Variants in SAMD5 observed in about 807,000 individuals in gnomAD.
SAMD5 encodes the protein sterile alpha motif domain-containing protein 5.
Under a neutral mutation model 11.3 loss-of-function variants are expected in SAMD5, and 13 were observed. The ratio of observed to expected loss-of-function variants is 1.15; its 90% CI spans 0.75 to 1.83. The LOEUF is 1.83. Ranked by LOEUF, SAMD5 falls within the 40% of genes most tolerant of loss-of-function variation. SAMD5 has a pLI of 0.00. For synonymous variants in SAMD5, 129 were observed against 111.3 expected, an observed-to-expected ratio of 1.16 and a Z score of -1.00; for missense variants, 255 against 239.1, an observed-to-expected ratio of 1.07 and a Z score of -0.44.
the SAMD5 span, among the ~76,000 whole-genome samples, chr6:147,891,488 A>AG: frequency 1.3e-5 from 2 of 152,102 alleles, no homozygotes; most frequent in South Asian, 4.1e-4. Context: ...ATAGAATTTT[A>AG]GGGGGTGGTA....
chr6:147,694,934 A>C (rs772690066), intron 1 of SAMD5, among the ~76,000 whole-genome samples: 17 of 152,240 alleles, frequency 1.1e-4, no homozygotes, highest in Non-Finnish European at 1.9e-4. Flanking sequence ...ACAAGACTAT[A>C]TATTTGATAA....
At chr6:147,935,073 T>G in the SAMD5 span, among the ~76,000 whole-genome samples, 1 of 152,216 alleles carries the variant, frequency 6.6e-6, no homozygotes. Context: ...GTTCGTAACG[T>G]GCAATGTGAT....
intron 1 of SAMD5, among the ~76,000 whole-genome samples, chr6:147,717,868 C>CAAAAT (rs1247414687): frequency 2.0e-5 from 3 of 151,862 alleles, no homozygotes; most frequent in African/African-American, 7.3e-5. Flanking sequence ...CAAAACAAAA[C>CAAAAT]AAAACAAAAC....
At chr6:147,696,016 C>G (rs17389388) in intron 1 of SAMD5, among the ~76,000 whole-genome samples, 6,614 of 152,222 alleles carry the variant, frequency 0.043, 205 homozygotes, top group Non-Finnish European at 0.067. Context: ...TCTTGCACAA[C>G]CCTGGGTTTC....
At chr6:147,738,053 G>A (rs1021799747), downstream of SAMD5, among the ~76,000 whole-genome samples, 2 of 152,108 alleles carry the variant, frequency 1.3e-5, no homozygotes, top group Non-Finnish European at 2.9e-5. Flanking sequence ...AACATGAGAA[G>A]CAAGGCATGG....
At chr6:147,669,403 A>G (rs1024280714) in intron 1 of SAMD5, among the ~76,000 whole-genome samples, 1 of 146,946 alleles carries the variant, frequency 6.8e-6, no homozygotes, top group Non-Finnish European at 1.5e-5. Context: ...ATTCAGTTGC[A>G]TCTTCAAGCT....
At chr6:147,816,958 G>C in the SAMD5 span, among the ~76,000 whole-genome samples, 41 of 152,072 alleles carry the variant, frequency 2.7e-4, no homozygotes, top group South Asian at 1.9e-3. Context: ...AAAAAAACAG[G>C]CAAAGATACC....
the SAMD5 span, among the ~76,000 whole-genome samples, chr6:147,834,264 C>T: frequency 7.2e-6 from 1 of 138,396 alleles, no homozygotes; most frequent in African/African-American, 3.0e-5. Flanking sequence ...ACTGTAAAGC[C>T]TCCTTTATTT....
chr6:147,913,265 C>T, the SAMD5 span, among the ~76,000 whole-genome samples: 14,464 of 152,186 alleles, frequency 0.095, 916 homozygotes, highest in South Asian at 0.15. Context: ...ATCTGACTAC[C>T]TGTCCTCAGT....
chr6:147,897,911 C>G, the SAMD5 span, among the ~76,000 whole-genome samples: 1 of 139,984 alleles, frequency 7.1e-6, no homozygotes, highest in Non-Finnish European at 1.5e-5. Context: ...GGCCACTGCA[C>G]TCCAGCCTGG....
intron 1 of SAMD5, among the ~76,000 whole-genome samples, chr6:147,512,585 AT>A (rs1562309631): frequency 6.6e-6 from 1 of 152,216 alleles, no homozygotes; most frequent in Non-Finnish European, 1.5e-5. Context: ...AGGGAACTCT[AT>A]AGCTTTGAAA....
intron 1 of SAMD5, among the ~76,000 whole-genome samples, chr6:147,515,624 C>A (rs1037673891): frequency 6.7e-6 from 1 of 148,732 alleles, no homozygotes; most frequent in African/African-American, 2.6e-5. Flanking sequence ...ATCTATCCAT[C>A]CATCCTTCCA....
At chr6:147,909,891 A>C in the SAMD5 span, among the ~76,000 whole-genome samples, 2 of 152,052 alleles carry the variant, frequency 1.3e-5, no homozygotes, top group African/African-American at 4.8e-5. Flanking sequence ...AGGCCGGTTC[A>C]TGTTACACCC....
rs541513597 is a variant in SAMD5, at chr6:147,545,535, T to C, written c.460-18859T>C. Among the ~76,000 whole-genome samples the C allele has an allele frequency of 1.4e-4, 21 of 152,230 alleles. 1 individual carries two copies. The highest frequency in any genetic ancestry group is 4.3e-4 in the African/African-American group (18 of 41,540). On this transcript the variant is annotated intron_variant, in intron 1 of 1. Coordinates refer to ENST00000367474, the MANE Select transcript of SAMD5 (RefSeq NM_001030060.3). ...ATTCCTTAAATTAGCTGAAAAGATCTGAGAGGGAGGCTTTTTGCCTGATTT... is the reference window on the plus strand; with the variant it reads ...ATTCCTTAAATTAGCTGAAAAGATCCGAGAGGGAGGCTTTTTGCCTGATTT...
At position 147,663,385 on chromosome 6, in the gene SAMD5, G is replaced by A. The variant is rs572767960; in HGVS notation, c.163-73932G>A. Among the ~76,000 whole-genome samples, 4 of 152,262 alleles carry A rather than the reference G, an allele frequency of 2.6e-5. No homozygotes were observed. In the East Asian group the frequency reaches 7.7e-4, roughly 29 times the overall value. On this transcript the variant is annotated intron_variant, in intron 1 of 1. Transcript: ENST00000566741. ...CTAATGGGTACTAGGCTTAACACCT[G>A]GGTGATGAAATAATCTGTACAACAA...
At chr6:147,610,388 G>C (rs1260121626) in intron 1 of SAMD5, among the ~76,000 whole-genome samples, 1 of 152,164 alleles carries the variant, frequency 6.6e-6, no homozygotes, top group Non-Finnish European at 1.5e-5. Flanking sequence ...CGACACTCCT[G>C]AGAGCAATTG....
intron 1 of SAMD5, among the ~76,000 whole-genome samples, chr6:147,678,769 C>T (rs1481499259): frequency 6.6e-6 from 1 of 152,140 alleles, no homozygotes; most frequent in African/African-American, 2.4e-5. Flanking sequence ...GTGTTCTTGG[C>T]ATAAGTGAGC....
chr6:147,918,852 G>A, the SAMD5 span, among the ~76,000 whole-genome samples: 4 of 151,828 alleles, frequency 2.6e-5, no homozygotes, highest in African/African-American at 4.8e-5. Context: ...CTACAGGCAC[G>A]TGCCACCACA....
intron 1 of SAMD5, among the ~76,000 whole-genome samples, chr6:147,635,637 C>T (rs1160424132): frequency 6.6e-6 from 1 of 152,214 alleles, no homozygotes; most frequent in Non-Finnish European, 1.5e-5. Flanking sequence ...CTTGGGCTCA[C>T]GTGGCTGACC....
Sources: allele counts gnomAD v4.1 joint callset (sites outside exome capture counted in the v4.1 genomes callset), GRCh38; gene constraint gnomAD v4.1.1; transcripts MANE v1.5; gene names NCBI Gene and HGNC (gene_info 2026-07-23, HGNC 2026-07-21).